Variants in LUZP2 observed in about 807,000 individuals in gnomAD.
LUZP2 encodes the protein leucine zipper protein 2.
Under a neutral mutation model 51.6 loss-of-function variants are expected in LUZP2, and 52 were observed. The observed-to-expected ratio is 1.01, with a 90% CI of 0.81 to 1.27. The LOEUF (loss-of-function observed/expected upper bound fraction) is 1.27. LUZP2 is among the 50% of genes most tolerant of loss of function. The probability of loss-of-function intolerance (pLI) is 0.00; values close to 1 mark genes in which losing one functional copy is unlikely to be tolerated. For missense variants in LUZP2, 436 were observed against 395.4 expected, an observed-to-expected ratio of 1.10 and a Z score of -0.87; for synonymous variants, 154 against 137.3, an observed-to-expected ratio of 1.12 and a Z score of -0.85.
intron 1 of LUZP2, among the ~76,000 whole-genome samples, chr11:24,498,079 G>C (rs1849884014): frequency 6.6e-6 from 1 of 152,172 alleles, no homozygotes; most frequent in African/African-American, 2.4e-5. Context: ...CCCCACTGTT[G>C]ATCAAGTCCC....
At chr11:24,687,923 C>G (rs562193767) in intron 1 of LUZP2, among the ~76,000 whole-genome samples, 16 of 152,226 alleles carry the variant, frequency 1.1e-4, no homozygotes, top group African/African-American at 3.9e-4. Flanking sequence ...TTCCTGGGCA[C>G]AGCACCCCCT....
At chr11:24,905,346 G>A (rs564891400) in intron 5 of LUZP2, among the ~76,000 whole-genome samples, 52 of 152,150 alleles carry the variant, frequency 3.4e-4, no homozygotes, top group African/African-American at 1.2e-3. Context: ...CCAACATGGC[G>A]AAACCTCATC....
intron 7 of LUZP2, among the ~76,000 whole-genome samples, chr11:24,922,164 T>C (rs1260960980): frequency 6.6e-6 from 1 of 152,192 alleles, no homozygotes; most frequent in Non-Finnish European, 1.5e-5. Flanking sequence ...GTTTATATCA[T>C]TGGATTAAAA....
At chr11:24,523,621 A>G (rs934594300) in intron 1 of LUZP2, among the ~76,000 whole-genome samples, 8 of 151,308 alleles carry the variant, frequency 5.3e-5, no homozygotes, top group Non-Finnish European at 8.9e-5. Context: ...TAGATTGACT[A>G]TTTAGCTCTA....
At chr11:24,535,262 TG>T (rs1851143185) in intron 1 of LUZP2, among the ~76,000 whole-genome samples, 1 of 151,672 alleles carries the variant, frequency 6.6e-6, no homozygotes, top group East Asian at 1.9e-4. Flanking sequence ...TGCTAAAGGT[TG>T]GGGTAGCTGT....
At position 24,565,126 on chromosome 11, in the gene LUZP2, A is replaced by G. The variant is rs117056818; in HGVS notation, c.62+67821A>G. ...ATGACAAGGAATTCCACTCCTACCA[A>G]AAAATTGGGATTGTCACTGATGTAC... On this transcript the variant is annotated intron_variant, in intron 1 of 11. Coordinates refer to ENST00000336930, the MANE Select transcript of LUZP2 (RefSeq NM_001009909.4). 1.1e-3 allele frequency among the ~76,000 whole-genome samples: 174 copies of G among 152,230 alleles called. 2 individuals carry two copies. In the East Asian group the frequency reaches 0.03, roughly 27 times the overall value.
At chr11:24,581,738 C>T (rs990677928) in intron 1 of LUZP2, among the ~76,000 whole-genome samples, 1 of 144,834 alleles carries the variant, frequency 6.9e-6, no homozygotes, top group South Asian at 2.2e-4. Context: ...TATAAATGTG[C>T]TAACCTTCAT....
intron 1 of LUZP2, among the ~76,000 whole-genome samples, chr11:24,676,171 C>A (rs1447318502): frequency 6.6e-6 from 1 of 152,084 alleles, no homozygotes; most frequent in Non-Finnish European, 1.5e-5. Flanking sequence ...GCAGATTTTA[C>A]TCTTCCTTAT....
intron 7 of LUZP2, among the ~76,000 whole-genome samples, chr11:24,963,233 G>C (rs1484119446): frequency 6.6e-6 from 1 of 152,214 alleles, no homozygotes; most frequent in African/African-American, 2.4e-5. Flanking sequence ...CACTTGAGGA[G>C]GCAGTCTGCC....
chr11:24,555,977 CA>C (rs1044143062), intron 1 of LUZP2, among the ~76,000 whole-genome samples: 1 of 151,768 alleles, frequency 6.6e-6, no homozygotes, highest in Non-Finnish European at 1.5e-5. Flanking sequence ...GAGCCTGTCT[CA>C]AAAAAAAGAA....
At chr11:24,719,631 T>C (rs911584603) in intron 1 of LUZP2, among the ~76,000 whole-genome samples, 5 of 152,244 alleles carry the variant, frequency 3.3e-5, no homozygotes, top group Admixed American at 1.3e-4. Flanking sequence ...ATTCTCCTTA[T>C]ATCCATATAC....
intron 1 of LUZP2, among the ~76,000 whole-genome samples, chr11:24,500,064 C>A (rs1001700316): frequency 1.3e-5 from 2 of 152,140 alleles, no homozygotes; most frequent in African/African-American, 4.8e-5. Context: ...CTCCTTCTCA[C>A]CTTTTCTGAA....
At chr11:24,562,905 C>A (rs946841607) in intron 1 of LUZP2, among the ~76,000 whole-genome samples, 2 of 150,770 alleles carry the variant, frequency 1.3e-5, no homozygotes, top group Non-Finnish European at 1.5e-5. Context: ...ATAACTGGGT[C>A]ATGAATGAGA....
intron 10 of LUZP2, among the ~76,000 whole-genome samples, chr11:25,061,817 C>T (rs370438918): frequency 6.6e-6 from 1 of 151,974 alleles, no homozygotes. Flanking sequence ...AAATTATATT[C>T]TTTAATTATA....
At chr11:25,003,536 C>T (rs1184586645) in intron 9 of LUZP2, among the ~76,000 whole-genome samples, 3 of 152,188 alleles carry the variant, frequency 2.0e-5, no homozygotes, top group Non-Finnish European at 4.4e-5. Flanking sequence ...ACTGACCATT[C>T]AGTTTTTGTA....
At chr11:24,622,477 C>A (rs1453980710) in intron 1 of LUZP2, among the ~76,000 whole-genome samples, 6 of 151,920 alleles carry the variant, frequency 3.9e-5, no homozygotes, top group African/African-American at 1.5e-4. Flanking sequence ...TCCCAAAGTG[C>A]GGGATTTAAA....
chr11:24,880,067 A>C (rs1852411224), intron 5 of LUZP2, among the ~76,000 whole-genome samples: 1 of 152,056 alleles, frequency 6.6e-6, no homozygotes, highest in Non-Finnish European at 1.5e-5. Context: ...CTTCCTTTCC[A>C]ATTTATTTAG....
intron 4 of LUZP2, among the ~76,000 whole-genome samples, chr11:24,746,682 A>G (rs1399391542): frequency 1.3e-5 from 2 of 152,174 alleles, no homozygotes. Context: ...TCACAGGAAC[A>G]CTGATTTTTC....
chr11:24,582,106 A>G (rs1395924225), intron 1 of LUZP2, among the ~76,000 whole-genome samples: 3 of 152,196 alleles, frequency 2.0e-5, no homozygotes, highest in African/African-American at 7.2e-5. Flanking sequence ...GAAATGGTTC[A>G]TAAAGAATAA....
Sources: allele counts gnomAD v4.1 joint callset (sites outside exome capture counted in the v4.1 genomes callset), GRCh38; gene constraint gnomAD v4.1.1; transcripts MANE v1.5; gene names NCBI Gene and HGNC (gene_info 2026-07-23, HGNC 2026-07-21).